The following OLFM3 variants were observed in gnomAD, a reference collection of about 807,000 sequenced individuals.
OLFM3 encodes the protein olfactomedin 3, also known as noelin-3.
OLFM3 carries 20 observed loss-of-function variants against 48.6 expected under a neutral mutation model. The ratio of observed to expected loss-of-function variants is 0.41; its 90% CI spans 0.29 to 0.60. The LOEUF (loss-of-function observed/expected upper bound fraction) is 0.60. OLFM3 is among the 20% of genes least tolerant of loss of function. The probability of loss-of-function intolerance (pLI) is 0.28; values close to 1 mark genes in which losing one functional copy is unlikely to be tolerated. For synonymous variants in OLFM3, 222 were observed against 198.1 expected (o/e 1.12, Z -1.01); for missense variants, 437 against 544.3 (o/e 0.80, Z 1.96).
intron 1 of OLFM3, among the ~76,000 whole-genome samples, chr1:101,983,092 T>C (rs1661145706): frequency 6.6e-6 from 1 of 152,242 alleles, no homozygotes; most frequent in Non-Finnish European, 1.5e-5. Context: ...TGGATAATTA[T>C]ATTTTTATCA....
chr1:101,836,574 T>G (rs748466484), intron 2 of OLFM3, among the ~76,000 whole-genome samples: 2 of 150,116 alleles, frequency 1.3e-5, no homozygotes, highest in Non-Finnish European at 3.0e-5. Flanking sequence ...GAGCTGAATT[T>G]TTGGCATCAG....
chr1:101,984,247 CAA>C lies in OLFM3; in HGVS notation c.69+12499_69+12500del, dbSNP rs11313941. 8.8e-3 allele frequency among the ~76,000 whole-genome samples: 791 copies of C among 89,628 alleles called. 2 individuals are homozygous for C. Among genetic ancestry groups the C allele is most frequent in the East Asian group, 0.026 (82 of 3,150 alleles). The allele number at this position is 89,628 out of a possible 152,430, so 58.8% of individuals were successfully genotyped here. A position where few individuals can be genotyped will look rare whatever the true frequency, so the allele number is the denominator to read the frequency against. The stretch of plus-strand genomic sequence containing the variant: ...AAAGGACAAACGCAAGACTCTGTCT[CAA>C]AAAAAAAAAAAAAAAAAAAGTTCTT... On this transcript the variant is annotated intron_variant, in intron 1 of 5. Coordinates refer to ENST00000370103, the MANE Select transcript of OLFM3 (RefSeq NM_058170.4).
intron 1 of OLFM3, among the ~76,000 whole-genome samples, chr1:101,843,223 A>C (rs1346106994): frequency 6.6e-6 from 1 of 152,208 alleles, no homozygotes; most frequent in Non-Finnish European, 1.5e-5. Context: ...AAAATGTACC[A>C]AAACAAATGA....
chr1:101,835,424 C>G (rs1374193973), intron 2 of OLFM3, among the ~76,000 whole-genome samples: 1 of 152,198 alleles, frequency 6.6e-6, no homozygotes, highest in African/African-American at 2.4e-5. Flanking sequence ...AAGAGATTCT[C>G]CTGCTTCAGC....
chr1:101,955,904 A>G (rs1289025616), intron 1 of OLFM3, among the ~76,000 whole-genome samples: 1 of 151,432 alleles, frequency 6.6e-6, no homozygotes, highest in African/African-American at 2.4e-5. Flanking sequence ...TCCAAAGTCT[A>G]CTCCTATTCT....
At chr1:101,889,785 G>A (rs2101003114) in intron 1 of OLFM3, among the ~76,000 whole-genome samples, 1 of 151,980 alleles carries the variant, frequency 6.6e-6, no homozygotes, top group South Asian at 2.1e-4. Flanking sequence ...AGATTAAAAG[G>A]AGTTAAAGAT....
At chr1:101,835,066 T>A (rs747593120) in intron 2 of OLFM3, among the ~76,000 whole-genome samples, 1 of 152,100 alleles carries the variant, frequency 6.6e-6, no homozygotes, top group Non-Finnish European at 1.5e-5. Flanking sequence ...TACTGAAAAA[T>A]AGCAACACAG....
intron 1 of OLFM3, among the ~76,000 whole-genome samples, chr1:101,845,232 T>G (rs1176379487): frequency 6.6e-6 from 1 of 152,012 alleles, no homozygotes; most frequent in Middle Eastern, 3.2e-3. Context: ...GAATTGTCTG[T>G]GTCAAAACAT....
At chr1:101,987,247 C>T (rs1661267409) in intron 1 of OLFM3, among the ~76,000 whole-genome samples, 1 of 152,294 alleles carries the variant, frequency 6.6e-6, no homozygotes, top group East Asian at 1.9e-4. Flanking sequence ...CATTATATTA[C>T]AATAGCTATC....
At chr1:101,850,658 C>T (rs946700579) in intron 1 of OLFM3, among the ~76,000 whole-genome samples, 1 of 151,824 alleles carries the variant, frequency 6.6e-6, no homozygotes, top group Non-Finnish European at 1.5e-5. Flanking sequence ...AACCTGATGA[C>T]CACATAAAAT....
chr1:101,815,231 G>A (rs528434561), intron 4 of OLFM3, among the ~76,000 whole-genome samples: 1 of 152,032 alleles, frequency 6.6e-6, no homozygotes, highest in African/African-American at 2.4e-5. Flanking sequence ...CGGATCACAA[G>A]GTCAGGAGAT....
At chr1:101,833,534 A>G (rs896136118) in intron 2 of OLFM3, among the ~76,000 whole-genome samples, 3 of 152,180 alleles carry the variant, frequency 2.0e-5, no homozygotes, top group African/African-American at 7.2e-5. Context: ...CGGTTGTTCT[A>G]TGATTCAGCT....
At chr1:101,979,925 A>G (rs1661061564) in intron 1 of OLFM3, among the ~76,000 whole-genome samples, 1 of 150,762 alleles carries the variant, frequency 6.6e-6, no homozygotes, top group African/African-American at 2.4e-5. Flanking sequence ...TCCCAAGGCC[A>G]TGGGAGCCCA....
At chr1:101,831,934 G>A (rs1407825870) in intron 2 of OLFM3, among the ~76,000 whole-genome samples, 1 of 152,184 alleles carries the variant, frequency 6.6e-6, no homozygotes, top group Non-Finnish European at 1.5e-5. Flanking sequence ...ACGGAGTCTC[G>A]CTCTGTCACC....
intron 1 of OLFM3, among the ~76,000 whole-genome samples, chr1:101,943,375 C>A (rs1447814510): frequency 6.6e-6 from 1 of 152,206 alleles, no homozygotes; most frequent in Non-Finnish European, 1.5e-5. Flanking sequence ...GCCAGCCCCA[C>A]AATTTTGTAA....
chr1:101,844,453 A>G (rs1045773555), intron 1 of OLFM3, among the ~76,000 whole-genome samples: 1 of 152,168 alleles, frequency 6.6e-6, no homozygotes, highest in Non-Finnish European at 1.5e-5. Context: ...GCAATGGTGA[A>G]ATAGCTTTGT....
intron 1 of OLFM3, among the ~76,000 whole-genome samples, chr1:101,968,222 C>G (rs2101092780): frequency 1.3e-5 from 2 of 152,302 alleles, no homozygotes; most frequent in African/African-American, 4.8e-5. Flanking sequence ...CATAGCTTCT[C>G]TACCTACATG....
At chr1:101,989,854 C>A (rs1444605593) in intron 1 of OLFM3, among the ~76,000 whole-genome samples, 2 of 152,162 alleles carry the variant, frequency 1.3e-5, no homozygotes, top group Non-Finnish European at 2.9e-5. Context: ...TTCTCCATGA[C>A]CCTCTGCCTT....
At chr1:101,929,301 T>C (rs1264758068) in intron 1 of OLFM3, among the ~76,000 whole-genome samples, 1 of 152,176 alleles carries the variant, frequency 6.6e-6, no homozygotes, top group Admixed American at 6.6e-5. Flanking sequence ...TCCAAAAGTA[T>C]AGGCCAAATG....
Sources: allele counts gnomAD v4.1 joint callset (sites outside exome capture counted in the v4.1 genomes callset), GRCh38; gene constraint gnomAD v4.1.1; transcripts MANE v1.5; gene names NCBI Gene and HGNC (gene_info 2026-07-23, HGNC 2026-07-21).